LANCL2: variants seen among roughly 807,000 people sequenced by gnomAD.
The protein encoded by LANCL2 is lanC-like protein 2.
LANCL2 carries 33 observed loss-of-function variants against 56.9 expected under a neutral mutation model. The ratio of observed to expected loss-of-function variants is 0.58; its 90% CI spans 0.44 to 0.78. The LOEUF (loss-of-function observed/expected upper bound fraction) is 0.78. Ranked by LOEUF, LANCL2 falls within the 30% of genes least tolerant of loss-of-function variation. LANCL2 has a pLI of 0.00. For missense variants in LANCL2, 562 were observed against 580.2 expected, an observed-to-expected ratio of 0.97 and a Z score of 0.32; for synonymous variants, 233 against 228.2, an observed-to-expected ratio of 1.02 and a Z score of -0.19.
At chr7:55,369,153 T>C (rs1359747030) in intron 1 of LANCL2, among the ~76,000 whole-genome samples, 1 of 152,148 alleles carries the variant, frequency 6.6e-6, no homozygotes, top group Admixed American at 6.5e-5. Flanking sequence ...TACGTTGATT[T>C]TGGGGCTGTA....
At position 55,393,114 on chromosome 7, in the gene LANCL2, C is replaced by G. The variant is rs557564585; in HGVS notation, c.322+1204C>G. ...TATTCAGAACATTCTAATAATTATT[C>G]GGGGAATATAAAGGATATAAAAGAT... On this transcript the variant is annotated intron_variant, in intron 2 of 8. Transcript: ENST00000254770. 6.6e-5 allele frequency among the ~76,000 whole-genome samples: 10 copies of G among 152,136 alleles called. No homozygotes were observed. The East Asian group carries it at 1.9e-3, about 29-fold the overall frequency.
intron 1 of LANCL2, among the ~76,000 whole-genome samples, chr7:55,373,810 A>G (rs982822607): frequency 1.3e-5 from 2 of 152,238 alleles, no homozygotes; most frequent in African/African-American, 4.8e-5. Flanking sequence ...ATTCCAGGCT[A>G]CTGTAAGTCA....
intron 6 of LANCL2, among the ~76,000 whole-genome samples, chr7:55,422,880 C>T (rs775558926): frequency 2.6e-5 from 4 of 152,258 alleles, no homozygotes; most frequent in Admixed American, 2.0e-4. Context: ...CTATTTCTGA[C>T]GTTTGGGTCA....
chr7:55,366,190 C>G lies in LANCL2; in HGVS notation c.165C>G (p.Thr55=). The G allele has an allele frequency of 6.4e-7, 1 of 1,550,470 alleles. No individual in the cohort carries two copies. The change falls in exon 1 of 9, where the codon ACC becomes ACG. Residue 55 remains threonine, a synonymous_variant. Coordinates refer to ENST00000254770, the MANE Select transcript of LANCL2 (RefSeq NM_018697.4). ...EETGCVRPPA[T]TDEPGLPFHQ... ...CAGGCTGTGTTCGTCCCCCGGCGACCACGGATGAGCCCGGCCTCCCTTTTC... is the reference window on the plus strand; with the variant it reads ...CAGGCTGTGTTCGTCCCCCGGCGACGACGGATGAGCCCGGCCTCCCTTTTC...
In LANCL2 at chr7:55,365,803, A is replaced by C. The variant is rs1789852697; in HGVS notation, c.-223A>C. On this transcript the variant is annotated 5_prime_UTR_variant, in exon 1 of 9. Transcript: ENST00000254770. The stretch of plus-strand genomic sequence containing the variant: ...GGAGCAGGGCAAAGGCGCCAGGAAC[A>C]GGGCAGAGGCACAGCGCCCACCGCC... 4.9e-6 allele frequency: 2 copies of C among 406,856 alleles called. No homozygotes were observed. Among genetic ancestry groups the C allele is most frequent in the Non-Finnish European group, 8.7e-6 (2 of 229,292 alleles). The allele number at this position is 406,856 out of a possible 1,614,324, so 25.2% of individuals were successfully genotyped here.
intron 5 of LANCL2, 85 bp from the exon 6 acceptor site, chr7:55,411,822 A>T: frequency 7.9e-7 from 1 of 1,264,732 alleles, no homozygotes; most frequent in Non-Finnish European, 1.1e-6. Context: ...TTTTCCAGGT[A>T]ATTGATGTTT....
At chr7:55,386,250 A>T (rs1459136526) in intron 1 of LANCL2, among the ~76,000 whole-genome samples, 1 of 152,224 alleles carries the variant, frequency 6.6e-6, no homozygotes, top group Non-Finnish European at 1.5e-5. Context: ...AAGGATATTG[A>T]TTGGGGAAGT....
At chr7:55,425,937 C>T (rs182948242) in intron 7 of LANCL2, among the ~76,000 whole-genome samples, 166 of 152,322 alleles carry the variant, frequency 1.1e-3, no homozygotes, top group Middle Eastern at 6.8e-3. Flanking sequence ...TGTGTCTCTG[C>T]CTGATCTCCT....
intron 1 of LANCL2, 114 bp downstream of exon 1, chr7:55,366,343 A>G: frequency 1.1e-6 from 1 of 893,224 alleles, no homozygotes; most frequent in Non-Finnish European, 1.6e-6. Context: ...AGGGCGCGGG[A>G]TGATAGCGCC....
At chr7:55,406,326 C>T (rs535847429) in intron 5 of LANCL2, among the ~76,000 whole-genome samples, 3 of 152,190 alleles carry the variant, frequency 2.0e-5, no homozygotes, top group Non-Finnish European at 4.4e-5. Flanking sequence ...CTGGCCAGAG[C>T]GTCCCTGGTG....
At chr7:55,408,334 A>G (rs1269214762) in intron 5 of LANCL2, among the ~76,000 whole-genome samples, 3 of 152,116 alleles carry the variant, frequency 2.0e-5, no homozygotes, top group African/African-American at 7.2e-5. Flanking sequence ...AGAACACACA[A>G]TAGGAGGGAG....
chr7:55,415,749 G>T (rs1254167790), intron 6 of LANCL2, among the ~76,000 whole-genome samples: 1 of 151,638 alleles, frequency 6.6e-6, no homozygotes, highest in Non-Finnish European at 1.5e-5. Context: ...AAGTAGCTGG[G>T]ATTACAGGCA....
chr7:55,372,774 CT>C (rs1225950663), intron 1 of LANCL2, among the ~76,000 whole-genome samples: 1 of 152,104 alleles, frequency 6.6e-6, no homozygotes. Context: ...AAAAAACCTA[CT>C]TTTTTTGCTC....
intron 5 of LANCL2, among the ~76,000 whole-genome samples, chr7:55,411,600 A>G (rs1438716907): frequency 6.6e-6 from 1 of 152,216 alleles, no homozygotes; most frequent in African/African-American, 2.4e-5. Flanking sequence ...TATTTTAACA[A>G]AGCAAAGCAA....
At chr7:55,430,192 G>C (rs1476282016) in intron 8 of LANCL2, among the ~76,000 whole-genome samples, 2 of 152,184 alleles carry the variant, frequency 1.3e-5, no homozygotes, top group Non-Finnish European at 2.9e-5. Flanking sequence ...ACAAGTTTCT[G>C]GAACCTTTCT....
At chr7:55,413,980 G>A (rs1790499040) in intron 6 of LANCL2, among the ~76,000 whole-genome samples, 3 of 152,276 alleles carry the variant, frequency 2.0e-5, no homozygotes, top group South Asian at 4.2e-4. Flanking sequence ...AATGATAAAT[G>A]TTCAAGGTAA....
intron 5 of LANCL2, among the ~76,000 whole-genome samples, chr7:55,403,228 G>A: frequency 6.6e-6 from 1 of 152,284 alleles, no homozygotes; most frequent in Non-Finnish European, 1.5e-5. Flanking sequence ...ATCACTCGCG[G>A]TTAGGAGCTG....
intron 1 of LANCL2, among the ~76,000 whole-genome samples, chr7:55,382,752 CA>C (rs1790083492): frequency 6.6e-6 from 1 of 152,122 alleles, no homozygotes; most frequent in Non-Finnish European, 1.5e-5. Context: ...ATATCTCAAG[CA>C]CCATTCTTAG....
intron 6 of LANCL2, among the ~76,000 whole-genome samples, chr7:55,419,343 C>A (rs1234506451): frequency 7.0e-6 from 1 of 143,026 alleles, no homozygotes; most frequent in African/African-American, 2.6e-5. Flanking sequence ...TTATTCATAC[C>A]TCTTTTTTTT....
Sources: gnomAD v4.1 joint callset for allele counts (sites outside exome capture counted in the v4.1 genomes callset) on GRCh38, gnomAD v4.1.1 for gene constraint, MANE v1.5 for transcripts, NCBI Gene and HGNC (gene_info 2026-07-23, HGNC 2026-07-21) for gene names.